Variants in CTNNA1 observed in about 807,000 individuals in gnomAD.
CTNNA1 encodes the protein catenin alpha-1.
In CTNNA1, 37 loss-of-function variants were observed where a neutral mutation model predicts 98.4. The ratio of observed to expected loss-of-function variants is 0.38; its 90% confidence interval spans 0.29 to 0.49. The LOEUF (loss-of-function observed/expected upper bound fraction) is 0.49, where lower values mean the gene tolerates loss of function less well. Among genes scored for constraint, CTNNA1 ranks in the 20% least tolerant of loss-of-function variants. The pLI is 0.95. For missense variants in CTNNA1, 761 were observed against 1,147.2 expected (o/e 0.66, Z 4.86); for synonymous variants, 404 against 413.2 (o/e 0.98, Z 0.27).
chr5:138,845,112 T>C (rs751271797), intron 7 of CTNNA1, among the ~76,000 whole-genome samples: 1 of 152,210 alleles, frequency 6.6e-6, no homozygotes, highest in Non-Finnish European at 1.5e-5. Flanking sequence ...GATGTTTTGA[T>C]CATATTGTTA....
At chr5:138,819,855 G>T (rs1276953296) in intron 5 of CTNNA1, among the ~76,000 whole-genome samples, 1 of 147,788 alleles carries the variant, frequency 6.8e-6, no homozygotes, top group African/African-American at 2.5e-5. Flanking sequence ...GATTGGCGGG[G>T]GGCGGGGGGG....
intron 10 of CTNNA1, among the ~76,000 whole-genome samples, chr5:138,905,260 AGCCTTGGTGACAGAGTGAGACCTT>A (rs1279170328): frequency 6.6e-6 from 1 of 152,090 alleles, no homozygotes; most frequent in East Asian, 1.9e-4. Context: ...ACTGCACTCC[AGCCTTGGTGACAGAGTGAGACCTT>A]GTCTTGGTGG....
At chr5:138,852,342 G>A (rs965553114) in intron 7 of CTNNA1, among the ~76,000 whole-genome samples, 3 of 151,340 alleles carry the variant, frequency 2.0e-5, no homozygotes, top group Admixed American at 6.6e-5. Context: ...GGCTCACCTC[G>A]AGGTACTTCC....
At position 138,827,616 on chromosome 5, in the gene CTNNA1, C is replaced by T. The variant is rs1055202373; in HGVS notation, c.960C>T (p.Ala320=). 3.7e-6 allele frequency: 6 copies of T among 1,614,052 alleles called. No individual in the cohort carries two copies. In the African/African-American group the frequency reaches 4.0e-5, roughly 11 times the overall value. ...ESIISGAALM[A]DSSCTRDDRR... Reference sequence around the variant, plus strand: ...TCATTAGTGGGGCTGCCTTGATGGCCGACTCGTCCTGCACGCGTGATGACC... The same window carrying T: ...TCATTAGTGGGGCTGCCTTGATGGCTGACTCGTCCTGCACGCGTGATGACC... Residue 320 remains alanine, a synonymous_variant, in exon 7 of 18, where the codon GCC becomes GCT. Transcript: ENST00000302763.
chr5:138,852,871 G>GCGCACACACACACGTGCGCGCGCA lies in CTNNA1; in HGVS notation c.1062+25154_1062+25155insGCACACACACACGTGCGCGCGCAC, dbSNP rs869240008. Among the ~76,000 whole-genome samples, 6 of 151,358 alleles carry GCGCACACACACACGTGCGCGCGCA rather than the reference G, an allele frequency of 4.0e-5. No homozygotes were observed. The South Asian group carries it at 8.4e-4, about 21-fold the overall frequency. On this transcript the variant is annotated intron_variant, in intron 7 of 17. Transcript: ENST00000302763. Reference sequence around the variant, plus strand: ...CCCTTCCCTCTTTTCGCGCGCGCGCGCACACACACATTTTTGCATAGGTGT... The same window carrying GCGCACACACACACGTGCGCGCGCA: ...CCCTTCCCTCTTTTCGCGCGCGCGCGCGCACACACACACGTGCGCGCGCACACACACACATTTTTGCATAGGTGT...
At chr5:138,754,396 GACTCCCTCTT>G (rs1751392232) in intron 1 of CTNNA1, 1 of 152,182 alleles carries the variant, frequency 6.6e-6, no homozygotes, top group African/African-American at 2.4e-5. Context: ...TTCCAAGGTT[GACTCCCTCTT>G]ACGTCCTCTT....
intron 11 of CTNNA1, 88 bp downstream of exon 11, chr5:138,917,986 C>T (rs971697847): frequency 3.9e-6 from 5 of 1,286,342 alleles, no homozygotes; most frequent in Admixed American, 4.1e-5. Context: ...ACTGCTATGT[C>T]TTGGCAGGTA....
intron 9 of CTNNA1, among the ~76,000 whole-genome samples, chr5:138,899,436 T>C (rs531516934): frequency 2.7e-4 from 41 of 152,352 alleles, no homozygotes; most frequent in African/African-American, 9.6e-4. Flanking sequence ...CAGCTTTTGA[T>C]TAGAATTTGG....
At chr5:138,922,693 G>T (rs1462713933) in intron 11 of CTNNA1, among the ~76,000 whole-genome samples, 3 of 152,218 alleles carry the variant, frequency 2.0e-5, no homozygotes, top group African/African-American at 7.2e-5. Flanking sequence ...CAGTGGACTC[G>T]CACCTCCCCC....
At chr5:138,761,748 A>C (rs1752404237) in intron 1 of CTNNA1, among the ~76,000 whole-genome samples, 1 of 151,948 alleles carries the variant, frequency 6.6e-6, no homozygotes, top group East Asian at 1.9e-4. Flanking sequence ...AAAACCACAC[A>C]CTTTGAGGTC....
chr5:138,825,974 A>G (rs1253150161), intron 6 of CTNNA1, among the ~76,000 whole-genome samples: 1 of 152,190 alleles, frequency 6.6e-6, no homozygotes, highest in Non-Finnish European at 1.5e-5. Flanking sequence ...ACCAGAAGCT[A>G]CTTAACTTCT....
intron 10 of CTNNA1, among the ~76,000 whole-genome samples, chr5:138,913,334 A>T (rs1761058928): frequency 6.6e-6 from 1 of 152,150 alleles, no homozygotes; most frequent in Admixed American, 6.5e-5. Flanking sequence ...GCTGTGGCTC[A>T]CATCACTCAC....
In CTNNA1 at chr5:138,873,832, G is replaced by A; in HGVS notation, c.1063-12380G>A. The stretch of plus-strand genomic sequence containing the variant: ...AGGTCCACTCCATCCCACATGTCAA[G>A]TTGCTGATTTTGTTCCATTGTAAGA... On this transcript the variant is annotated intron_variant, in intron 7 of 17. Coordinates refer to ENST00000302763, the MANE Select transcript of CTNNA1 (RefSeq NM_001903.5). This position sits in a 1 kb window ranked among gnomAD's most constrained non-coding sequence, Gnocchi z 6.1. 6.2e-7 allele frequency: 1 copy of A among 1,614,022 alleles called. No individual in the cohort carries two copies. The highest frequency in any genetic ancestry group is 8.5e-7 in the Non-Finnish European group (1 of 1,179,888).
At chr5:138,770,978 C>G (rs554884169) in intron 1 of CTNNA1, among the ~76,000 whole-genome samples, 2 of 151,124 alleles carry the variant, frequency 1.3e-5, no homozygotes, top group Non-Finnish European at 1.5e-5. Flanking sequence ...CAAAAACAAA[C>G]GAACAAAAAA....
intron 3 of CTNNA1, among the ~76,000 whole-genome samples, chr5:138,787,047 G>T (rs1755789502): frequency 6.6e-6 from 1 of 152,150 alleles, no homozygotes; most frequent in African/African-American, 2.4e-5. Context: ...AGATGTCTTT[G>T]TTCTGAATCA....
intron 9 of CTNNA1, among the ~76,000 whole-genome samples, chr5:138,890,441 A>G (rs771251342): frequency 6.6e-6 from 1 of 152,210 alleles, no homozygotes; most frequent in Non-Finnish European, 1.5e-5. Flanking sequence ...AGGGGTTCCT[A>G]TGACCCACCT....
chr5:138,822,303 T>C (rs903851120), intron 5 of CTNNA1, among the ~76,000 whole-genome samples: 1 of 152,180 alleles, frequency 6.6e-6, no homozygotes, highest in Non-Finnish European at 1.5e-5. Flanking sequence ...TTTGGAAAAG[T>C]AGAAGTTGGT....
At chr5:138,861,064 G>A (rs1288402478) in intron 7 of CTNNA1, among the ~76,000 whole-genome samples, 1 of 151,992 alleles carries the variant, frequency 6.6e-6, no homozygotes. Context: ...GTGTCGCCCA[G>A]GCTGAAGTGC....
chr5:138,812,824 T>C (rs1008983422), intron 5 of CTNNA1, among the ~76,000 whole-genome samples: 2 of 152,226 alleles, frequency 1.3e-5, no homozygotes, highest in African/African-American at 4.8e-5. Flanking sequence ...CCCTTCGGCA[T>C]TTTCACTGTT....
Sources: allele counts gnomAD v4.1 joint callset (sites outside exome capture counted in the v4.1 genomes callset), GRCh38; gene constraint gnomAD v4.1.1; non-coding constraint Gnocchi (gnomAD v3.1); transcripts MANE v1.5; gene names NCBI Gene and HGNC (gene_info 2026-07-23, HGNC 2026-07-21).